PRKAR1B: variants seen among roughly 807,000 people sequenced by gnomAD.
PRKAR1B encodes protein kinase cAMP-dependent type I regulatory subunit beta.
Under a neutral mutation model 46.5 loss-of-function variants are expected in PRKAR1B, and 22 were observed. The ratio of observed to expected loss-of-function variants is 0.47; its 90% CI spans 0.34 to 0.68. The LOEUF (loss-of-function observed/expected upper bound fraction) is 0.68, where lower values mean the gene tolerates loss of function less well. Among genes scored for constraint, PRKAR1B ranks in the 30% least tolerant of loss-of-function variants. The probability of loss-of-function intolerance (pLI) is 0.01; values close to 1 mark genes in which losing one functional copy is unlikely to be tolerated. For missense variants in PRKAR1B, 445 were observed against 535.6 expected (o/e 0.83, Z 1.67); for synonymous variants, 259 against 217.7 (o/e 1.19, Z -1.67).
intron 9 of PRKAR1B, 133 bp downstream of exon 9, chr7:579,123 C>G: frequency 6.4e-7 from 1 of 1,558,596 alleles, no homozygotes; most frequent in Admixed American, 1.8e-5. Flanking sequence ...CATGGAGGCC[C>G]CGGACGGGCG....
intron 9 of PRKAR1B, among the ~76,000 whole-genome samples, chr7:567,618 A>G (rs1362976425): frequency 1.3e-5 from 2 of 152,204 alleles, no homozygotes; most frequent in African/African-American, 4.8e-5. Flanking sequence ...CAGCAGTAGC[A>G]GCAAAATAAA....
Position 550,276 on chromosome 7 carries a change from A to C in PRKAR1B, c.*154T>G, listed in dbSNP as rs1784098022. ...AATGCACAAGGTGATCATTTATTCC[A>C]AAAAGTGAGTCCGGGGAAGGGGCAG... On this transcript the variant is annotated 3_prime_UTR_variant, in exon 11 of 11. Coordinates refer to ENST00000537384, the MANE Select transcript of PRKAR1B (RefSeq NM_001164760.2). The C allele has an allele frequency of 1.6e-6, 1 of 630,470 alleles. No homozygotes were observed. The highest frequency in any genetic ancestry group is 2.8e-6 in the Non-Finnish European group (1 of 357,034). 39.1% of individuals were successfully genotyped at this position (630,470 alleles called of 1,614,324 possible). A position where few individuals can be genotyped will look rare whatever the true frequency, so the allele number is the denominator to read the frequency against.
intron 2 of PRKAR1B, among the ~76,000 whole-genome samples, chr7:697,342 T>C (rs73047925): frequency 0.3 from 45,374 of 151,974 alleles, 7,058 homozygotes; most frequent in South Asian, 0.42. Context: ...TACAGGCAGA[T>C]GGAATTCCTC....
At chr7:721,041 G>A (rs1159268553) in intron 1 of PRKAR1B, among the ~76,000 whole-genome samples, 2 of 152,112 alleles carry the variant, frequency 1.3e-5, no homozygotes, top group Non-Finnish European at 2.9e-5. Flanking sequence ...AGAATTCCAC[G>A]TTATGTTTTT....
At chr7:693,598 G>A (rs1262068114) in intron 2 of PRKAR1B, among the ~76,000 whole-genome samples, 1 of 152,152 alleles carries the variant, frequency 6.6e-6, no homozygotes, top group Non-Finnish European at 1.5e-5. Context: ...TCCTTTCTGT[G>A]GCTGAGGGAC....
intron 4 of PRKAR1B, among the ~76,000 whole-genome samples, chr7:611,534 T>C (rs1372673875): frequency 1.3e-5 from 2 of 152,240 alleles, no homozygotes; most frequent in Non-Finnish European, 2.9e-5. Context: ...CCGATCCTGA[T>C]GCCTCCCCCT....
intron 2 of PRKAR1B, 47 bp from the exon 3 acceptor site, chr7:680,773 C>A: frequency 6.2e-7 from 1 of 1,606,586 alleles, no homozygotes; most frequent in South Asian, 1.1e-5. Context: ...ACCTGGCTGT[C>A]CCGGCCAGGC....
At chr7:616,621 A>T (rs1287162951) in intron 4 of PRKAR1B, among the ~76,000 whole-genome samples, 1 of 152,206 alleles carries the variant, frequency 6.6e-6, no homozygotes, top group African/African-American at 2.4e-5. Flanking sequence ...ACCGGCCACC[A>T]GACCCCAGTG....
chr7:667,502 C>A lies in PRKAR1B; in HGVS notation c.440+9727G>T, dbSNP rs1302410917. Among the ~76,000 whole-genome samples the A allele has an allele frequency of 1.3e-5, 2 of 152,188 alleles. No homozygotes were observed. Among genetic ancestry groups the A allele is most frequent in the Non-Finnish European group, 2.9e-5 (2 of 68,040 alleles). On this transcript the variant is annotated intron_variant, in intron 4 of 10. Transcript: ENST00000537384. This position sits in a 1 kb window ranked among gnomAD's most constrained non-coding sequence, Gnocchi z 4.3. ...GGAATAAGACCACTCCAGCCCAACACCTGTGTGATGGGAACTCCTGGTCCT... is the reference window on the plus strand; with the variant it reads ...GGAATAAGACCACTCCAGCCCAACAACTGTGTGATGGGAACTCCTGGTCCT...
chr7:712,123 C>G (rs1309418258), intron 1 of PRKAR1B, among the ~76,000 whole-genome samples: 2 of 151,580 alleles, frequency 1.3e-5, no homozygotes, highest in East Asian at 3.9e-4. Context: ...CATGGCCAGG[C>G]CAGGCCGGCA....
intron 2 of PRKAR1B, among the ~76,000 whole-genome samples, chr7:699,808 T>C (rs1779966229): frequency 6.6e-6 from 1 of 151,840 alleles, no homozygotes; most frequent in Admixed American, 6.6e-5. Flanking sequence ...GGAGCTTAGA[T>C]TTGTTAGGAG....
intron 9 of PRKAR1B, among the ~76,000 whole-genome samples, chr7:561,042 A>C (rs1459442437): frequency 1.3e-5 from 2 of 151,968 alleles, no homozygotes; most frequent in African/African-American, 4.8e-5. Flanking sequence ...ACACACATAC[A>C]CACAGATGCA....
At chr7:596,082 G>T (rs890648685) in intron 7 of PRKAR1B, 64 bp downstream of exon 7, 3 of 1,567,920 alleles carry the variant, frequency 1.9e-6, no homozygotes, top group Non-Finnish European at 2.6e-6. Context: ...ATAGAGCTAG[G>T]GTTCCCAGGG....
At position 637,555 on chromosome 7, in the gene PRKAR1B, C is replaced by T. The variant is rs115261905; in HGVS notation, c.441-30103G>A. Reference sequence around the variant, plus strand: ...AAAGAATCAAGAGCAAATAATGGGCCGGGTGCGGTGGCTCACGCCTGTGAT... The same window carrying T: ...AAAGAATCAAGAGCAAATAATGGGCTGGGTGCGGTGGCTCACGCCTGTGAT... On this transcript the variant is annotated intron_variant, in intron 4 of 10. Coordinates refer to ENST00000537384, the MANE Select transcript of PRKAR1B (RefSeq NM_001164760.2). 5.4e-3 allele frequency among the ~76,000 whole-genome samples: 823 copies of T among 152,160 alleles called. 6 individuals carry two copies. Among genetic ancestry groups the T allele is most frequent in the African/African-American group, 0.018 (758 of 41,538 alleles).
At chr7:626,877 TTTTA>T (rs1474830816) in intron 4 of PRKAR1B, among the ~76,000 whole-genome samples, 4 of 151,054 alleles carry the variant, frequency 2.6e-5, no homozygotes, top group South Asian at 2.1e-4. Context: ...CTCAGCTAAT[TTTTA>T]TTTATTTATT....
intron 4 of PRKAR1B, among the ~76,000 whole-genome samples, chr7:611,087 C>G (rs908025427): frequency 6.6e-6 from 1 of 152,244 alleles, no homozygotes; most frequent in Non-Finnish European, 1.5e-5. Flanking sequence ...ACTGCTGTTC[C>G]GTCCAGTTTC....
At chr7:556,027 C>T (rs1214807502) in intron 9 of PRKAR1B, among the ~76,000 whole-genome samples, 2 of 152,240 alleles carry the variant, frequency 1.3e-5, no homozygotes, top group Non-Finnish European at 2.9e-5. Context: ...CCCCTCCGGG[C>T]CCCTGTCTCC....
intron 9 of PRKAR1B, chr7:562,139 C>T (rs1778842500): frequency 6.6e-6 from 1 of 152,342 alleles, no homozygotes; most frequent in Admixed American, 6.5e-5. Flanking sequence ...CCTCAATGCC[C>T]TTCTGTGGCC....
intron 9 of PRKAR1B, among the ~76,000 whole-genome samples, chr7:573,947 C>T (rs1008943546): frequency 1.3e-5 from 2 of 152,184 alleles, no homozygotes; most frequent in Non-Finnish European, 2.9e-5. Flanking sequence ...TTGGGTCACA[C>T]GCGGTGTGCG....
Sources: allele counts gnomAD v4.1 joint callset (sites outside exome capture counted in the v4.1 genomes callset), GRCh38; gene constraint gnomAD v4.1.1; non-coding constraint Gnocchi (gnomAD v3.1); transcripts MANE v1.5; gene names NCBI Gene and HGNC (gene_info 2026-07-23, HGNC 2026-07-21).